The following KIAA1217 variants were observed in gnomAD, a reference collection of about 807,000 sequenced individuals.
The protein encoded by KIAA1217 is sickle tail protein homolog.
KIAA1217 carries 88 observed loss-of-function variants against 163.9 expected under a neutral mutation model. The observed-to-expected ratio is 0.54, with a 90% CI of 0.45 to 0.64. The LOEUF (loss-of-function observed/expected upper bound fraction) is 0.64. KIAA1217 is among the 30% of genes least tolerant of loss of function. The pLI, the probability that KIAA1217 is intolerant of heterozygous loss-of-function variation, is 0.00. For missense variants in KIAA1217, 2,372 were observed against 2,475.0 expected, an observed-to-expected ratio of 0.96 and a Z score of 0.88; for synonymous variants, 903 against 923.1, an observed-to-expected ratio of 0.98 and a Z score of 0.39.
At position 24,501,551 on chromosome 10, in the gene KIAA1217, C is replaced by T. The variant is rs1112285; in HGVS notation, c.2001+6C>T. 2.5e-6 allele frequency: 4 copies of T among 1,610,482 alleles called. No individual in the cohort carries two copies. Among genetic ancestry groups the T allele is most frequent in the Non-Finnish European group, 3.4e-6 (4 of 1,178,458 alleles). ...AGCAGATGCGGCAGCTCCAGGTATT[C>T]CTCATGCACGGCGGCCTCTGTCTCG... On this transcript the variant is annotated splice_donor_region_variant and intron_variant, in intron 9 of 20. Coordinates refer to ENST00000376454, the MANE Select transcript of KIAA1217 (RefSeq NM_019590.5).
rs1836070825 is a variant in KIAA1217, at chr10:23,696,743, C to T, written c.-321+1509C>T. On this transcript the variant is annotated intron_variant, in intron 1 of 18. Coordinates refer to the KIAA1217 transcript ENST00000376462. The stretch of plus-strand genomic sequence containing the variant: ...TAACCACAATGACTCACACTCGCAG[C>T]CCATTAAGTGTATGGACAAATATTT... Among the ~76,000 whole-genome samples, 7 of 152,202 alleles carry T rather than the reference C, an allele frequency of 4.6e-5. 1 individual carries two copies. The highest frequency in any genetic ancestry group is 4.6e-4 in the Admixed American group (7 of 15,292).
At chr10:23,851,753 C>G (rs915635319) in intron 1 of KIAA1217, among the ~76,000 whole-genome samples, 19 of 152,288 alleles carry the variant, frequency 1.2e-4, no homozygotes, top group African/African-American at 2.6e-4. Flanking sequence ...TTGCATTTCT[C>G]TGATGGCCAG....
At chr10:24,100,080 T>C (rs1315278740) in intron 2 of KIAA1217, among the ~76,000 whole-genome samples, 1 of 152,116 alleles carries the variant, frequency 6.6e-6, no homozygotes, top group Non-Finnish European at 1.5e-5. Flanking sequence ...CCCTCTCCTG[T>C]CTTCACTATA....
At chr10:24,064,026 T>C (rs1166890841) in intron 2 of KIAA1217, among the ~76,000 whole-genome samples, 1 of 152,194 alleles carries the variant, frequency 6.6e-6, no homozygotes, top group Non-Finnish European at 1.5e-5. Context: ...GCTTATCAGC[T>C]TAAGGAGATT....
At chr10:23,736,231 G>A (rs1327679255) in intron 1 of KIAA1217, among the ~76,000 whole-genome samples, 1 of 152,104 alleles carries the variant, frequency 6.6e-6, no homozygotes, top group Non-Finnish European at 1.5e-5. Context: ...AAATTTTTTA[G>A]GTTTTGACCT....
chr10:24,390,140 T>C (rs1227091144), intron 3 of KIAA1217, among the ~76,000 whole-genome samples: 2 of 152,202 alleles, frequency 1.3e-5, no homozygotes, highest in African/African-American at 4.8e-5. Context: ...TTCAGTTCTC[T>C]ACAACTGATC....
intron 2 of KIAA1217, among the ~76,000 whole-genome samples, chr10:24,069,421 G>A (rs1414622656): frequency 3.3e-5 from 5 of 152,186 alleles, no homozygotes; most frequent in Non-Finnish European, 7.3e-5. Context: ...GTAGCCCCAG[G>A]TGTCTGGCAT....
chr10:24,245,786 C>T (rs2073724302), intron 2 of KIAA1217, among the ~76,000 whole-genome samples: 1 of 145,378 alleles, frequency 6.9e-6, no homozygotes, highest in South Asian at 2.2e-4. Context: ...CATGTACCAT[C>T]ACACCAACTA....
chr10:24,334,700 C>T (rs1286546853), intron 2 of KIAA1217, among the ~76,000 whole-genome samples: 4 of 152,152 alleles, frequency 2.6e-5, no homozygotes, highest in Non-Finnish European at 5.9e-5. Flanking sequence ...GCTCACTCAC[C>T]ATTGTAACTC....
chr10:24,466,855 T>C (rs2063004917), intron 5 of KIAA1217: 1 of 914,800 alleles, frequency 1.1e-6, no homozygotes, highest in South Asian at 5.0e-5. Flanking sequence ...TTTTCTCTGC[T>C]TACTTCATTG....
At chr10:23,951,007 G>A (rs1219642328) in intron 1 of KIAA1217, among the ~76,000 whole-genome samples, 1 of 152,162 alleles carries the variant, frequency 6.6e-6, no homozygotes, top group Non-Finnish European at 1.5e-5. Flanking sequence ...CATGATGTGA[G>A]ACACTGCCCT....
intron 2 of KIAA1217, among the ~76,000 whole-genome samples, chr10:24,233,812 C>T (rs2071792128): frequency 6.6e-6 from 1 of 152,118 alleles, no homozygotes; most frequent in Non-Finnish European, 1.5e-5. Flanking sequence ...TTCATTTCTT[C>T]TCAGTCTTTA....
intron 4 of KIAA1217, among the ~76,000 whole-genome samples, chr10:24,435,419 A>G (rs1428131071): frequency 6.6e-6 from 1 of 152,250 alleles, no homozygotes; most frequent in Non-Finnish European, 1.5e-5. Flanking sequence ...CTGTTTTTAC[A>G]TGGAGCTGCC....
chr10:24,514,057 T>C (rs1427378023), intron 10 of KIAA1217, among the ~76,000 whole-genome samples: 1 of 152,210 alleles, frequency 6.6e-6, no homozygotes, highest in African/African-American at 2.4e-5. Flanking sequence ...TTATGAATGT[T>C]ATTTAAGGTT....
At chr10:24,186,748 A>C (rs561873259) in intron 2 of KIAA1217, among the ~76,000 whole-genome samples, 10 of 152,232 alleles carry the variant, frequency 6.6e-5, no homozygotes, top group Admixed American at 6.5e-4. Flanking sequence ...AAAATTAGCC[A>C]GCATGGTGGT....
intron 2 of KIAA1217, among the ~76,000 whole-genome samples, chr10:24,097,081 T>C (rs573091342): frequency 6.6e-6 from 1 of 152,272 alleles, no homozygotes; most frequent in South Asian, 2.1e-4. Context: ...TTAAAAGCAT[T>C]AACATGGCAA....
intron 1 of KIAA1217, among the ~76,000 whole-genome samples, chr10:24,001,217 T>G (rs113533410): frequency 1.8e-3 from 269 of 152,342 alleles, no homozygotes; most frequent in African/African-American, 6.1e-3. Flanking sequence ...TGGAGTTACT[T>G]ATGTACTATT....
chr10:23,972,964 G>C (rs1248344231), intron 1 of KIAA1217, among the ~76,000 whole-genome samples: 2 of 152,130 alleles, frequency 1.3e-5, no homozygotes, highest in African/African-American at 4.8e-5. Flanking sequence ...TTGGGGTTTG[G>C]GGGTGAGGGG....
intron 1 of KIAA1217, among the ~76,000 whole-genome samples, chr10:23,815,517 G>A (rs1439055205): frequency 4.6e-5 from 7 of 152,192 alleles, no homozygotes; most frequent in East Asian, 1.9e-4. Flanking sequence ...GGTGGCAGGC[G>A]CCTGTAGTCC....
Sources: gnomAD v4.1 joint callset for allele counts (sites outside exome capture counted in the v4.1 genomes callset) on GRCh38, gnomAD v4.1.1 for gene constraint, MANE v1.5 for transcripts, NCBI Gene and HGNC (gene_info 2026-07-23, HGNC 2026-07-21) for gene names.